SCHIP1: variants seen among roughly 807,000 people sequenced by gnomAD.
The protein encoded by SCHIP1 is schwannomin-interacting protein 1.
A neutral mutation model predicts 29.7 loss-of-function variants in SCHIP1; 8 were observed. The ratio of observed to expected loss-of-function variants is 0.27; its 90% confidence interval spans 0.16 to 0.49. The LOEUF is 0.49. Among genes scored for constraint, SCHIP1 ranks in the 20% least tolerant of loss-of-function variants. The probability of loss-of-function intolerance (pLI) is 0.99; values close to 1 mark genes in which losing one functional copy is unlikely to be tolerated. For synonymous variants in SCHIP1, 76 were observed against 94.9 expected (o/e 0.80, Z 1.16); for missense variants, 193 against 294.6 (o/e 0.66, Z 2.52).
At chr3:159,460,770 G>A in the SCHIP1 span, among the ~76,000 whole-genome samples, 1 of 152,098 alleles carries the variant, frequency 6.6e-6, no homozygotes, top group African/African-American at 2.4e-5. Context: ...TCTATGTTGG[G>A]GGAATTATGA....
At chr3:159,705,123 C>G in the SCHIP1 span, among the ~76,000 whole-genome samples, 2 of 152,038 alleles carry the variant, frequency 1.3e-5, no homozygotes, top group East Asian at 1.9e-4. Flanking sequence ...GCCACCACGC[C>G]CGGCTAATTT....
chr3:159,761,078 G>C, the SCHIP1 span, among the ~76,000 whole-genome samples: 1 of 152,222 alleles, frequency 6.6e-6, no homozygotes, highest in Admixed American at 6.5e-5. Context: ...CAAAAGAAGT[G>C]GGGTGGAGGA....
the SCHIP1 span, among the ~76,000 whole-genome samples, chr3:159,698,481 T>C: frequency 6.6e-6 from 1 of 152,148 alleles, no homozygotes; most frequent in African/African-American, 2.4e-5. Context: ...TTACTACGAG[T>C]GCATTGTGGC....
At chr3:159,513,057 T>C in the SCHIP1 span, among the ~76,000 whole-genome samples, 8 of 152,238 alleles carry the variant, frequency 5.3e-5, no homozygotes, top group African/African-American at 1.9e-4. Context: ...TTGAACAAAG[T>C]TTCAGAATCA....
chr3:159,491,391 G>A, the SCHIP1 span, among the ~76,000 whole-genome samples: 10 of 152,150 alleles, frequency 6.6e-5, no homozygotes, highest in South Asian at 2.1e-4. Context: ...CTGGAACATC[G>A]GGTCACTCCC....
At chr3:159,450,903 G>T in the SCHIP1 span, among the ~76,000 whole-genome samples, 5 of 150,642 alleles carry the variant, frequency 3.3e-5, no homozygotes, top group Non-Finnish European at 7.4e-5. Context: ...CCACCTCCTG[G>T]GTTCACACCA....
chr3:159,412,382 A>G, the SCHIP1 span, among the ~76,000 whole-genome samples: 62 of 152,332 alleles, frequency 4.1e-4, no homozygotes, highest in African/African-American at 1.4e-3. Context: ...TTGGGCATTC[A>G]CAAGGACTGT....
At chr3:159,598,009 C>T in the SCHIP1 span, among the ~76,000 whole-genome samples, 6 of 152,088 alleles carry the variant, frequency 3.9e-5, no homozygotes, top group African/African-American at 1.2e-4. Flanking sequence ...GGAAACTGCC[C>T]TTTATAAAAC....
chr3:159,613,864 T>G, the SCHIP1 span, among the ~76,000 whole-genome samples: 1 of 152,230 alleles, frequency 6.6e-6, no homozygotes, highest in Non-Finnish European at 1.5e-5. Context: ...AACAAAAACT[T>G]GGATTTCATT....
At chr3:159,337,675 C>A in the SCHIP1 span, among the ~76,000 whole-genome samples, 1 of 152,058 alleles carries the variant, frequency 6.6e-6, no homozygotes, top group African/African-American at 2.4e-5. Context: ...ATGTTTCTGT[C>A]CTCTGTACCA....
chr3:159,745,431 C>T, the SCHIP1 span, among the ~76,000 whole-genome samples: 2 of 152,152 alleles, frequency 1.3e-5, no homozygotes, highest in African/African-American at 4.8e-5. Context: ...ACTAAAAATT[C>T]CAGAGCCCAG....
the SCHIP1 span, among the ~76,000 whole-genome samples, chr3:159,389,750 A>G: frequency 4.6e-5 from 7 of 152,120 alleles, no homozygotes; most frequent in African/African-American, 1.4e-4. Flanking sequence ...AGGTTTCTGG[A>G]TATTCTTCCA....
upstream of SCHIP1, among the ~76,000 whole-genome samples, chr3:159,837,465 G>A (rs1226622179): frequency 1.3e-5 from 2 of 152,164 alleles, no homozygotes; most frequent in Non-Finnish European, 2.9e-5. Flanking sequence ...GCTCAGGCCT[G>A]TAATCCCAAC....
At chr3:159,675,188 TCTC>T in the SCHIP1 span, among the ~76,000 whole-genome samples, 1 of 152,196 alleles carries the variant, frequency 6.6e-6, no homozygotes, top group Non-Finnish European at 1.5e-5. Flanking sequence ...TGCCAGTGAA[TCTC>T]CTGTACAAGT....
At chr3:159,695,366 C>T in the SCHIP1 span, among the ~76,000 whole-genome samples, 1 of 152,310 alleles carries the variant, frequency 6.6e-6, no homozygotes, top group East Asian at 1.9e-4. Context: ...GACCCTTCCT[C>T]CTATGTCTTC....
At chr3:159,552,455 AAAAT>A in the SCHIP1 span, among the ~76,000 whole-genome samples, 5 of 152,224 alleles carry the variant, frequency 3.3e-5, no homozygotes, top group Non-Finnish European at 7.3e-5. Flanking sequence ...TCGACAAAAA[AAAAT>A]AGTTTTTAAG....
chr3:159,742,426 T>C, the SCHIP1 span, among the ~76,000 whole-genome samples: 1 of 152,194 alleles, frequency 6.6e-6, no homozygotes, highest in African/African-American at 2.4e-5. Flanking sequence ...ATCATTGTGA[T>C]GTGCCATATA....
chr3:159,806,373 TCTC>T, the SCHIP1 span, among the ~76,000 whole-genome samples: 1 of 152,150 alleles, frequency 6.6e-6, no homozygotes, highest in Non-Finnish European at 1.5e-5. Flanking sequence ...TAACAGGACT[TCTC>T]CTGTGCTTCA....
chr3:159,369,083 T>G, the SCHIP1 span, among the ~76,000 whole-genome samples: 2 of 152,218 alleles, frequency 1.3e-5, no homozygotes, highest in African/African-American at 4.8e-5. Context: ...ATGGAGGGCT[T>G]CTGCTCTCTG....
Sources: allele counts gnomAD v4.1 joint callset (sites outside exome capture counted in the v4.1 genomes callset), GRCh38; gene constraint gnomAD v4.1.1; transcripts MANE v1.5; gene names NCBI Gene and HGNC (gene_info 2026-07-23, HGNC 2026-07-21).